NDST4: variants seen among roughly 807,000 people sequenced by gnomAD.
NDST4 encodes N-deacetylase and N-sulfotransferase 4, also known as N-heparan sulfate sulfotransferase 4.
Under a neutral mutation model 100.8 loss-of-function variants are expected in NDST4, and 63 were observed. The ratio of observed to expected loss-of-function variants is 0.62; its 90% CI spans 0.51 to 0.77. The LOEUF is 0.77. Among genes scored for constraint, NDST4 ranks in the 30% least tolerant of loss-of-function variants. The pLI, the probability that NDST4 is intolerant of heterozygous loss-of-function variation, is 0.00. For missense variants in NDST4, 943 were observed against 1,018.4 expected, an observed-to-expected ratio of 0.93 and a Z score of 1.01; for synonymous variants, 377 against 361.8, an observed-to-expected ratio of 1.04 and a Z score of -0.48.
At chr4:114,923,361 T>C (rs1560814379) in intron 6 of NDST4, among the ~76,000 whole-genome samples, 1 of 151,092 alleles carries the variant, frequency 6.6e-6, no homozygotes, top group Non-Finnish European at 1.5e-5. Context: ...TCCAAAAGAG[T>C]CTTTGTCATT....
chr4:115,073,369 T>C (rs1463549764), intron 2 of NDST4, among the ~76,000 whole-genome samples: 1 of 152,058 alleles, frequency 6.6e-6, no homozygotes, highest in Non-Finnish European at 1.5e-5. Context: ...CACTTCCTTG[T>C]TCATTTAAGC....
intron 1 of NDST4, among the ~76,000 whole-genome samples, chr4:115,107,422 AGAGACAAAATTC>A (rs1444129792): frequency 6.6e-6 from 1 of 152,098 alleles, no homozygotes; most frequent in African/African-American, 2.4e-5. Context: ...ATCAATAGAC[AGAGACAAAATTC>A]AGCTTGTCAG....
intron 6 of NDST4, among the ~76,000 whole-genome samples, chr4:114,899,005 C>T (rs1284750379): frequency 6.6e-6 from 1 of 151,892 alleles, no homozygotes. Context: ...AATCAGTATA[C>T]CTTTCGTTTC....
intron 6 of NDST4, among the ~76,000 whole-genome samples, chr4:114,896,696 A>G (rs1294209794): frequency 6.6e-6 from 1 of 152,150 alleles, no homozygotes; most frequent in East Asian, 1.9e-4. Context: ...CTAGAAATCA[A>G]CCTTGTCTAT....
chr4:114,831,379 T>A (rs1723198680), intron 12 of NDST4, among the ~76,000 whole-genome samples: 1 of 152,214 alleles, frequency 6.6e-6, no homozygotes, highest in Admixed American at 6.5e-5. Flanking sequence ...AATCTGCTCT[T>A]TGCCTGTCAC....
At chr4:114,921,307 A>C (rs1261398703) in intron 6 of NDST4, among the ~76,000 whole-genome samples, 1 of 152,212 alleles carries the variant, frequency 6.6e-6, no homozygotes, top group East Asian at 1.9e-4. Context: ...TTATCACTTA[A>C]AAATAGCTCA....
chr4:115,075,785 A>G (rs956327184), intron 2 of NDST4, among the ~76,000 whole-genome samples: 4 of 20,310 alleles, frequency 2.0e-4, no homozygotes, highest in Admixed American at 4.8e-4. Context: ...GTCTGTTCAG[A>G]AAAAAAAAAA....
At chr4:114,863,388 C>T (rs973812313) in intron 7 of NDST4, among the ~76,000 whole-genome samples, 1 of 152,300 alleles carries the variant, frequency 6.6e-6, no homozygotes, top group South Asian at 2.1e-4. Flanking sequence ...AAATTATGTG[C>T]GTGTGTGCAT....
At chr4:114,866,382 A>G (rs1044495528) in intron 7 of NDST4, among the ~76,000 whole-genome samples, 4 of 152,164 alleles carry the variant, frequency 2.6e-5, no homozygotes, top group Non-Finnish European at 1.5e-5. Flanking sequence ...TTCAGAGCCT[A>G]TAGCTTGTTG....
chr4:114,994,765 C>T (rs1015486435), intron 2 of NDST4, among the ~76,000 whole-genome samples: 12 of 152,086 alleles, frequency 7.9e-5, no homozygotes, highest in Middle Eastern at 3.4e-3. Flanking sequence ...TGGAAAAAAT[C>T]TTATCCTCTT....
chr4:115,107,092 A>C (rs1404260481), intron 1 of NDST4, among the ~76,000 whole-genome samples: 1 of 152,058 alleles, frequency 6.6e-6, no homozygotes, highest in African/African-American at 2.4e-5. Flanking sequence ...CAGGAGTTTG[A>C]GGTTGTAGTA....
At chr4:114,987,787 A>C (rs1726945515) in intron 2 of NDST4, among the ~76,000 whole-genome samples, 1 of 152,222 alleles carries the variant, frequency 6.6e-6, no homozygotes, top group South Asian at 2.1e-4. Flanking sequence ...ATAATCAGCC[A>C]GAAACACCCA....
chr4:115,011,816 T>C (rs1172881261), intron 2 of NDST4, among the ~76,000 whole-genome samples: 4 of 151,972 alleles, frequency 2.6e-5, no homozygotes, highest in Admixed American at 6.6e-5. Flanking sequence ...TGAAAGCATA[T>C]TTATTGTACA....
chr4:114,936,529 A>G (rs551018836), intron 5 of NDST4, among the ~76,000 whole-genome samples: 37 of 152,332 alleles, frequency 2.4e-4, no homozygotes, highest in African/African-American at 8.7e-4. Flanking sequence ...GAGTAAGAAC[A>G]GTTTGTAAAC....
chr4:115,076,998 T>C lies in NDST4; in HGVS notation c.39A>G (p.Thr13=), dbSNP rs747733422. Residue 13 remains threonine, a synonymous_variant, in exon 2 of 14, where the codon ACA becomes ACG. Transcript: ENST00000264363. ...LIVKLRRSFR[T]LIVLLATFCL... ...AAAAGGTAGCTAAGAGAACAATCAATGTTCGAAAACTTCTCCGAAGTTTCA... is the reference window on the plus strand; with the variant it reads ...AAAAGGTAGCTAAGAGAACAATCAACGTTCGAAAACTTCTCCGAAGTTTCA... 1.8e-5 allele frequency: 29 copies of C among 1,608,332 alleles called. No homozygotes were observed. Among genetic ancestry groups the C allele is most frequent in the Non-Finnish European group, 2.2e-5 (26 of 1,178,180 alleles).
chr4:114,988,280 A>G (rs2126250347), intron 2 of NDST4, among the ~76,000 whole-genome samples: 1 of 150,920 alleles, frequency 6.6e-6, no homozygotes, highest in East Asian at 1.9e-4. Context: ...TTCATGATCA[A>G]TTTTATAAAC....
intron 2 of NDST4, among the ~76,000 whole-genome samples, chr4:115,068,986 C>T (rs1189532987): frequency 1.3e-5 from 2 of 151,930 alleles, no homozygotes; most frequent in African/African-American, 2.4e-5. Context: ...ATGAGAAAAA[C>T]TGTCACCTCT....
Position 115,017,625 on chromosome 4 carries a change from T to G in NDST4, c.979-40351A>C, listed in dbSNP as rs1027104144. ...TTCCTTTGCCATAGAATTCACTATC[T>G]TGAAAACCATTTTATTTTACAAAGG... is the stretch of plus-strand genomic sequence containing the variant. On this transcript the variant is annotated intron_variant, in intron 2 of 13. Transcript: ENST00000264363. 5.3e-5 allele frequency among the ~76,000 whole-genome samples: 8 copies of G among 152,170 alleles called. No homozygotes were observed. In the East Asian group the frequency reaches 1.5e-3, roughly 29 times the overall value.
intron 1 of NDST4, among the ~76,000 whole-genome samples, chr4:115,104,521 T>C (rs531311995): frequency 1.6e-4 from 24 of 152,248 alleles, no homozygotes; most frequent in South Asian, 4.1e-4. Flanking sequence ...CTTTGTCTTC[T>C]TCAAATTCCA....
Sources: allele counts gnomAD v4.1 joint callset (sites outside exome capture counted in the v4.1 genomes callset), GRCh38; gene constraint gnomAD v4.1.1; transcripts MANE v1.5; gene names NCBI Gene and HGNC (gene_info 2026-07-23, HGNC 2026-07-21).